ZNRF3: variants seen among roughly 807,000 people sequenced by gnomAD.
ZNRF3 encodes E3 ubiquitin-protein ligase ZNRF3.
Under a neutral mutation model 72.5 loss-of-function variants are expected in ZNRF3, and 23 were observed. The observed-to-expected ratio is 0.32, with a 90% CI of 0.23 to 0.45. The LOEUF (loss-of-function observed/expected upper bound fraction) is 0.45. Ranked by LOEUF, ZNRF3 falls within the 20% of genes least tolerant of loss-of-function variation. ZNRF3 has a pLI of 1.00. For missense variants in ZNRF3, 1,169 were observed against 1,272.1 expected (o/e 0.92, Z 1.23); for synonymous variants, 610 against 545.3 (o/e 1.12, Z -1.65).
At chr22:28,910,248 C>T (rs2034292516) in intron 1 of ZNRF3, among the ~76,000 whole-genome samples, 1 of 152,040 alleles carries the variant, frequency 6.6e-6, no homozygotes, top group South Asian at 2.1e-4. Context: ...ACCATGTTGA[C>T]CAGATTGGTC....
intron 1 of ZNRF3, among the ~76,000 whole-genome samples, chr22:28,908,731 A>G (rs1338206932): frequency 6.6e-6 from 1 of 152,176 alleles, no homozygotes; most frequent in African/African-American, 2.4e-5. Flanking sequence ...CTAAAGAAAA[A>G]GAAGGCCTGC....
chr22:28,885,490 T>TTCCTAAAC (rs1164561624), intron 1 of ZNRF3, among the ~76,000 whole-genome samples: 1 of 151,922 alleles, frequency 6.6e-6, no homozygotes, highest in Non-Finnish European at 1.5e-5. Context: ...TTGCTGAAGA[T>TTCCTAAAC]TCCTAAACAT....
chr22:28,934,270 C>T (rs563043123), intron 1 of ZNRF3, among the ~76,000 whole-genome samples: 2 of 152,044 alleles, frequency 1.3e-5, no homozygotes, highest in East Asian at 3.9e-4. Context: ...TTGGAGTGGC[C>T]GTTTCTCTCT....
At chr22:28,910,033 A>G (rs1054992545) in intron 1 of ZNRF3, among the ~76,000 whole-genome samples, 9 of 149,588 alleles carry the variant, frequency 6.0e-5, no homozygotes, top group African/African-American at 2.2e-4. Flanking sequence ...CACTTTCTCC[A>G]TTAACTTTTT....
chr22:28,970,461 A>C (rs2035549668), intron 1 of ZNRF3, among the ~76,000 whole-genome samples: 1 of 152,258 alleles, frequency 6.6e-6, no homozygotes, highest in African/African-American at 2.4e-5. Context: ...GGAGTTTCTT[A>C]TAAAGCTCAA....
intron 2 of ZNRF3, among the ~76,000 whole-genome samples, chr22:29,027,584 G>A (rs1051915336): frequency 2.0e-5 from 3 of 152,214 alleles, no homozygotes; most frequent in South Asian, 4.1e-4. Flanking sequence ...CAGGCATTCC[G>A]ACATACCACT....
intron 2 of ZNRF3, among the ~76,000 whole-genome samples, chr22:29,016,495 T>C (rs145847161): frequency 6.6e-6 from 1 of 152,324 alleles, no homozygotes; most frequent in Non-Finnish European, 1.5e-5. Context: ...GGCCATCCTT[T>C]TACTTGTTCA....
intron 2 of ZNRF3, among the ~76,000 whole-genome samples, chr22:29,016,115 A>G (rs1601667743): frequency 6.6e-6 from 1 of 151,998 alleles, no homozygotes; most frequent in East Asian, 1.9e-4. Context: ...AGTGATCATT[A>G]CTAAATGATG....
At position 29,053,564 on chromosome 22, in the gene ZNRF3, C is replaced by G. The variant is rs2037246545; in HGVS notation, c.2768-15C>G. 2 of 1,609,800 alleles carry G rather than the reference C, an allele frequency of 1.2e-6. No individual in the cohort carries two copies. Among genetic ancestry groups the G allele is most frequent in the South Asian group, 1.1e-5 (1 of 90,370 alleles). On this transcript the variant is annotated splice_polypyrimidine_tract_variant and intron_variant, in intron 8 of 8. Transcript: ENST00000544604. ...CCAGCTCCCTCCCCTGATGATTGTT[C>G]TCTCTCTTTCCCAGGACCGAGATCT...
chr22:29,001,230 G>T lies in ZNRF3; in HGVS notation c.426+14029G>T, dbSNP rs759038686. Among the ~76,000 whole-genome samples, 4 of 150,136 alleles carry T rather than the reference G, an allele frequency of 2.7e-5. No individual in the cohort carries two copies. The Admixed American group carries it at 2.7e-4, about 10-fold the overall frequency. ...ACTACAGATGCCTGCCACCACACCC[G>T]GCTAATTTTTTTGTATTTTTAGTAG... On this transcript the variant is annotated intron_variant, in intron 2 of 8. Coordinates refer to ENST00000544604, the MANE Select transcript of ZNRF3 (RefSeq NM_001206998.2).
Position 29,049,605 on chromosome 22 carries a change from A to G in ZNRF3, c.1424A>G (p.Gln475Arg). ...YETMYQHYYF[Q>R]GLSYPEQEGQ... ...ACCATGTACCAGCACTACTACTTCC[A>G]GGGCCTCAGCTACCCGGAGCAGGAG... Residue 475 changes from glutamine (Q) to arginine (R), a missense_variant, in exon 8 of 9, where the codon CAG (glutamine) becomes CGG (arginine). Around this residue, in one of 2 missense-constraint regions of ZNRF3, gnomAD observed 783 missense variants for 731.4 expected, o/e 1.07. Transcript: ENST00000544604. This position sits in a 1 kb window ranked among gnomAD's most constrained non-coding sequence, Gnocchi z 5.2. 1 of 1,609,784 alleles carries G rather than the reference A, an allele frequency of 6.2e-7. No individual in the cohort carries two copies.
At chr22:28,912,874 C>T (rs1023035778) in intron 1 of ZNRF3, among the ~76,000 whole-genome samples, 6 of 152,074 alleles carry the variant, frequency 3.9e-5, no homozygotes, top group Admixed American at 3.3e-4. Flanking sequence ...CCATGTTGGC[C>T]AGGCTGGTCT....
At chr22:28,971,075 G>A (rs371353770) in intron 1 of ZNRF3, among the ~76,000 whole-genome samples, 15 of 152,194 alleles carry the variant, frequency 9.9e-5, no homozygotes, top group Admixed American at 7.9e-4. Flanking sequence ...TGTAGTCCCC[G>A]CAAGTTGGGA....
intron 1 of ZNRF3, among the ~76,000 whole-genome samples, chr22:28,977,022 A>T (rs1045251172): frequency 1.3e-5 from 2 of 152,212 alleles, no homozygotes; most frequent in African/African-American, 2.4e-5. Flanking sequence ...GAAAAGGTGG[A>T]TTTGAAATGC....
rs138354192 is a variant in ZNRF3 at position 29,039,432 on chromosome 22, G to A, written c.427-3063G>A. Among the ~76,000 whole-genome samples the A allele has an allele frequency of 2.6e-4, 39 of 152,262 alleles. 1 individual carries two copies. Among genetic ancestry groups the A allele is most frequent in the African/African-American group, 8.9e-4 (37 of 41,550 alleles). ...ACCTTCCCCGAGGGTGCTGTTTGATGTGCTTGATTGTGGAATGAAAGCCAA... is the reference window on the plus strand; with the variant it reads ...ACCTTCCCCGAGGGTGCTGTTTGATATGCTTGATTGTGGAATGAAAGCCAA... On this transcript the variant is annotated intron_variant, in intron 2 of 8. Coordinates refer to ENST00000544604, the MANE Select transcript of ZNRF3 (RefSeq NM_001206998.2).
At chr22:28,899,774 C>T (rs2034070080) in intron 1 of ZNRF3, among the ~76,000 whole-genome samples, 1 of 150,122 alleles carries the variant, frequency 6.7e-6, no homozygotes, top group South Asian at 2.1e-4. Flanking sequence ...ACTTTAGCCT[C>T]GACCTCCTAG....
In ZNRF3 at chr22:28,974,203, C is replaced by T. The variant is rs370343706; in HGVS notation, c.301-12873C>T. On this transcript the variant is annotated intron_variant, in intron 1 of 8. Transcript: ENST00000544604. ...GTCTCGATCTCCTGACCTCGTGATC[C>T]GCCTGCCTCGGACTCCCAAAGTGCT... Among the ~76,000 whole-genome samples, 19 of 152,206 alleles carry T rather than the reference C, an allele frequency of 1.2e-4. No individual in the cohort carries two copies. In the East Asian group the frequency reaches 2.3e-3, roughly 19 times the overall value.
chr22:28,895,840 A>AT (rs1330035614), intron 1 of ZNRF3, among the ~76,000 whole-genome samples: 2 of 151,994 alleles, frequency 1.3e-5, no homozygotes, highest in East Asian at 3.9e-4. Context: ...ATTCCAGAAA[A>AT]TCTTCCATGT....
At chr22:28,907,846 C>A (rs986703792) in intron 1 of ZNRF3, among the ~76,000 whole-genome samples, 2 of 152,174 alleles carry the variant, frequency 1.3e-5, no homozygotes, top group African/African-American at 2.4e-5. Flanking sequence ...ACAAAAGATA[C>A]AATTGAAAAG....
Sources: gnomAD v4.1 joint callset for allele counts (sites outside exome capture counted in the v4.1 genomes callset) on GRCh38, gnomAD v4.1.1 for gene constraint, gnomAD v4.1.1 regional missense constraint, Gnocchi (gnomAD v3.1) non-coding constraint, MANE v1.5 for transcripts, NCBI Gene and HGNC (gene_info 2026-07-23, HGNC 2026-07-21) for gene names.